The following ATP2C2 variants were observed in gnomAD, a reference collection of about 807,000 sequenced individuals.
The protein encoded by ATP2C2 is calcium-transporting ATPase type 2C member 2.
Under a neutral mutation model 110.8 loss-of-function variants are expected in ATP2C2, and 171 were observed. The observed-to-expected ratio is 1.54, with a 90% confidence interval of 1.36 to 1.75. ATP2C2 has a LOEUF of 1.75. Ranked by LOEUF, ATP2C2 falls within the 40% of genes most tolerant of loss-of-function variation. The probability of loss-of-function intolerance (pLI) is 0.00; values close to 1 mark genes in which losing one functional copy is unlikely to be tolerated. For synonymous variants in ATP2C2, 804 were observed against 508.4 expected (o/e 1.58, Z -7.82); for missense variants, 1,963 against 1,235.0 (o/e 1.59, Z -8.84).
At chr16:84,444,542 A>G (rs1490914342) in intron 15 of ATP2C2, among the ~76,000 whole-genome samples, 2 of 152,292 alleles carry the variant, frequency 1.3e-5, no homozygotes, top group East Asian at 1.9e-4. Context: ...TCTCTCTGCA[A>G]TGTCTGTAAT....
Position 84,453,184 on chromosome 16 carries a change from G to A in ATP2C2, c.1878G>A (p.Gly626=). The change falls in exon 19 of 27, where the codon GGG becomes GGA. Residue 626 remains glycine, a synonymous_variant. Transcript: ENST00000262429. ...LCNGKLQAMS[G]EEVDSVEKGE... is the part of the protein sequence containing the mutation. ...ACGGGAAGCTGCAAGCCATGTCCGG[G>A]GAGGAGGTGGACAGCGTGGAGAAGG... 6.2e-7 allele frequency: 1 copy of A among 1,614,014 alleles called. No individual in the cohort carries two copies. Among genetic ancestry groups the A allele is most frequent in the Middle Eastern group, 1.6e-4 (1 of 6,062 alleles).
chr16:84,450,748 C>A (rs1910183545), intron 17 of ATP2C2, among the ~76,000 whole-genome samples: 1 of 152,158 alleles, frequency 6.6e-6, no homozygotes, highest in South Asian at 2.1e-4. Context: ...TTCTGTGCCA[C>A]AGAAACAGAG....
At chr16:84,463,503 TG>T in intron 26 of ATP2C2, 110 bp from the exon 27 acceptor site, 1 of 875,512 alleles carries the variant, frequency 1.1e-6, no homozygotes, top group Non-Finnish European at 1.9e-6. Flanking sequence ...TGAAAAGGGC[TG>T]GTCCTCCGCA....
At chr16:84,380,768 C>T (rs567675104) in intron 1 of ATP2C2, among the ~76,000 whole-genome samples, 1 of 152,182 alleles carries the variant, frequency 6.6e-6, no homozygotes, top group South Asian at 2.1e-4. Flanking sequence ...ACTAAGTGTA[C>T]ATACATCGGG....
chr16:84,461,890 A>G (rs1911393148), intron 25 of ATP2C2, 78 bp downstream of exon 25: 1 of 1,608,134 alleles, frequency 6.2e-7, no homozygotes, highest in Non-Finnish European at 8.5e-7. Flanking sequence ...TGCCCGCAGC[A>G]TTGAGCGGCT....
intron 16 of ATP2C2, 42 bp from the exon 17 acceptor site, chr16:84,448,491 G>A (rs1909962481): frequency 6.3e-7 from 1 of 1,580,184 alleles, no homozygotes. Flanking sequence ...ATGAACCAAG[G>A]CTTCCAGTGA....
intron 17 of ATP2C2, 108 bp from the exon 18 acceptor site, chr16:84,451,812 TG>T: frequency 8.6e-7 from 1 of 1,162,466 alleles, no homozygotes; most frequent in African/African-American, 1.5e-5. Flanking sequence ...CACTCCAACC[TG>T]GGCGATAAGA....
chr16:84,464,102 C>T lies in ATP2C2; in HGVS notation c.*370C>T. The T allele has an allele frequency of 5.8e-6, 1 of 173,632 alleles. No individual in the cohort carries two copies. The highest frequency in any genetic ancestry group is 1.2e-5 in the Non-Finnish European group (1 of 82,090). The allele number at this position is 173,632 out of a possible 1,614,324, so 10.8% of individuals were successfully genotyped here. A position where few individuals can be genotyped will look rare whatever the true frequency, so the allele number is the denominator to read the frequency against. On this transcript the variant is annotated 3_prime_UTR_variant, in exon 27 of 27. Coordinates refer to ENST00000262429, the MANE Select transcript of ATP2C2 (RefSeq NM_014861.4). ...AGAGGCAGTGGGTAGGATGGTCACACTCTGCCCATTGCCCTCCTGGAGGCC... is the reference window on the plus strand; with the variant it reads ...AGAGGCAGTGGGTAGGATGGTCACATTCTGCCCATTGCCCTCCTGGAGGCC...
chr16:84,434,963 C>A (rs887359098), intron 11 of ATP2C2, among the ~76,000 whole-genome samples: 1 of 152,242 alleles, frequency 6.6e-6, no homozygotes, highest in East Asian at 1.9e-4. Context: ...TCTTCACAGC[C>A]TGTGCCATAA....
intron 6 of ATP2C2, among the ~76,000 whole-genome samples, chr16:84,415,069 C>T (rs1237800088): frequency 6.6e-6 from 1 of 152,076 alleles, no homozygotes; most frequent in Non-Finnish European, 1.5e-5. Flanking sequence ...AGGTCCTGGG[C>T]TTCCTCCCAG....
At chr16:84,448,131 AC>A (rs993281692) in intron 16 of ATP2C2, among the ~76,000 whole-genome samples, 3 of 152,130 alleles carry the variant, frequency 2.0e-5, no homozygotes, top group Non-Finnish European at 4.4e-5. Flanking sequence ...GGGGGTGGGT[AC>A]AAAATAGACT....
intron 15 of ATP2C2, among the ~76,000 whole-genome samples, chr16:84,443,135 A>G (rs375094474): frequency 6.6e-6 from 1 of 152,042 alleles, no homozygotes; most frequent in African/African-American, 2.4e-5. Context: ...TGCTCAGAGG[A>G]CAAGTTAGAA....
chr16:84,448,469 G>A (rs979303523), intron 16 of ATP2C2, 64 bp from the exon 17 acceptor site: 3 of 1,533,166 alleles, frequency 2.0e-6, no homozygotes, highest in Non-Finnish European at 2.7e-6. Context: ...GCAGAGTGGG[G>A]TGATGGTCAG....
At chr16:84,461,346 C>G in intron 24 of ATP2C2, 1 of 346,026 alleles carries the variant, frequency 2.9e-6, no homozygotes, top group Non-Finnish European at 5.3e-6. Flanking sequence ...CATTTTCCCT[C>G]CAGCTCTCCC....
intron 1 of ATP2C2, among the ~76,000 whole-genome samples, chr16:84,380,465 C>G (rs1293631803): frequency 6.6e-6 from 1 of 152,154 alleles, no homozygotes; most frequent in Admixed American, 6.5e-5. Flanking sequence ...TTCACTCCCC[C>G]ACTTTATGGA....
In ATP2C2 at chr16:84,454,888, C is replaced by G. The variant is rs777274217; in HGVS notation, c.2051C>G (p.Ser684Cys). 6.2e-7 allele frequency: 1 copy of G among 1,614,096 alleles called. No individual in the cohort carries two copies. Among genetic ancestry groups the G allele is most frequent in the Non-Finnish European group, 8.5e-7 (1 of 1,179,986 alleles). The change falls in exon 21 of 27, where the codon TCT becomes TGT. Residue 684 changes from serine to cysteine, a missense_variant. By Grantham distance (112) the Ser-to-Cys change is moderately radical. Coordinates refer to ENST00000262429, the MANE Select transcript of ATP2C2 (RefSeq NM_014861.4). ...GTGAACGACGCAGTGGCCCTGAAGT[C>G]TGCAGACATTGGGATCGCCATGGGG... ...DGVNDAVALKSADIGIAMGQT... is the reference protein window; with the variant it reads ...DGVNDAVALKCADIGIAMGQT...
At chr16:84,459,025 TG>T in intron 21 of ATP2C2, 94 bp from the exon 22 acceptor site, 1 of 1,349,792 alleles carries the variant, frequency 7.4e-7, no homozygotes, top group Non-Finnish European at 1.1e-6. Flanking sequence ...AACATCAATC[TG>T]GGCGAGTCAC....
At chr16:84,377,606 G>A (rs182936605) in intron 1 of ATP2C2, among the ~76,000 whole-genome samples, 24 of 152,108 alleles carry the variant, frequency 1.6e-4, no homozygotes, top group African/African-American at 5.5e-4. Flanking sequence ...GACACCAGTC[G>A]TATTGGATTA....
rs140263209 is a variant in ATP2C2, at chr16:84,411,427, T to C, written c.515+662T>C. The stretch of plus-strand genomic sequence containing the variant: ...TTAATATCATCTGCCCTGTCCAATA[T>C]GGCATCTGACAATTCTTTTTTTGTT... On this transcript the variant is annotated intron_variant, in intron 6 of 26. Coordinates refer to ENST00000262429, the MANE Select transcript of ATP2C2 (RefSeq NM_014861.4). 3.4e-3 allele frequency among the ~76,000 whole-genome samples: 515 copies of C among 152,312 alleles called. 4 individuals carry two copies. Among genetic ancestry groups the C allele is most frequent in the South Asian group, 0.011 (55 of 4,824 alleles).
Sources: allele counts gnomAD v4.1 joint callset (sites outside exome capture counted in the v4.1 genomes callset), GRCh38; gene constraint gnomAD v4.1.1; transcripts MANE v1.5; gene names NCBI Gene and HGNC (gene_info 2026-07-23, HGNC 2026-07-21).